The following LMNA variants were observed in gnomAD, a reference collection of about 807,000 sequenced individuals.
LMNA encodes lamin.
Under a neutral mutation model 70.4 loss-of-function variants are expected in LMNA, and 20 were observed. The observed-to-expected ratio is 0.28, with a 90% CI of 0.20 to 0.41. The LOEUF (loss-of-function observed/expected upper bound fraction) is 0.41, where lower values mean the gene tolerates loss of function less well. Among genes scored for constraint, LMNA ranks in the 10% least tolerant of loss-of-function variants. The pLI is 1.00. For missense variants in LMNA, 652 were observed against 917.2 expected, an observed-to-expected ratio of 0.71 and a Z score of 3.73; for synonymous variants, 339 against 372.8, an observed-to-expected ratio of 0.91 and a Z score of 1.04.
At chr1:156,086,876 T>C (rs1485729769) in intron 2 of LMNA, among the ~76,000 whole-genome samples, 4 of 152,160 alleles carry the variant, frequency 2.6e-5, no homozygotes, top group South Asian at 4.1e-4. Flanking sequence ...TGACCTCAGG[T>C]GATCCGCCCC....
In LMNA at chr1:156,114,936, G is replaced by A. The variant is rs1383536412; in HGVS notation, c.18G>A (p.Gln6=). 6.4e-7 allele frequency: 1 copy of A among 1,563,032 alleles called. No homozygotes were observed. The highest frequency in any genetic ancestry group is 8.7e-7 in the Non-Finnish European group (1 of 1,153,746). METPS[Q]RRATRSGAQA... Reference sequence around the variant, plus strand: ...TGCCGGCCATGGAGACCCCGTCCCAGCGGCGCGCCACCCGCAGCGGGGCGC... The same window carrying A: ...TGCCGGCCATGGAGACCCCGTCCCAACGGCGCGCCACCCGCAGCGGGGCGC... The change falls in exon 1 of 12, where the codon CAG becomes CAA. Residue 6 remains glutamine (Q), a synonymous_variant. Transcript: ENST00000368300.
chr1:156,134,869 G>A lies in LMNA; in HGVS notation c.704G>A (p.Arg235His), dbSNP rs759829161. The A allele has an allele frequency of 8.7e-6, 14 of 1,614,114 alleles. No homozygotes were observed. Among genetic ancestry groups the A allele is most frequent in the Non-Finnish European group, 1.2e-5 (14 of 1,180,050 alleles). ...RLVEIDNGKQ[R>H]EFESRLADAL... ...GTGGAGATTGACAATGGGAAGCAGC[G>A]TGAGTTTGAGAGCCGGCTGGCGGAT... Residue 235 changes from arginine (R) to histidine (H), a missense_variant, in exon 4 of 12, where the codon CGT (arginine) becomes CAT (histidine). Transcript: ENST00000368300. The surrounding 1 kb of genome is among the most constrained non-coding windows in gnomAD (Gnocchi z 5.3).
intron 3 of LMNA, chr1:156,091,100 A>G (rs1412662901): frequency 6.6e-6 from 1 of 152,254 alleles, no homozygotes; most frequent in Non-Finnish European, 1.5e-5. Context: ...ACACCCAGGT[A>G]GCTGAGACCT....
intron 3 of LMNA, among the ~76,000 whole-genome samples, chr1:156,092,208 G>A (rs1360531213): frequency 6.6e-6 from 1 of 151,514 alleles, no homozygotes; most frequent in Non-Finnish European, 1.5e-5. Flanking sequence ...GTGAGCCACA[G>A]TGCCCAGCCA....
At position 156,137,149 on chromosome 1, in the gene LMNA, C is replaced by T. The variant is rs762847359; in HGVS notation, c.1525C>T (p.Pro509Ser). 6.2e-6 allele frequency: 10 copies of T among 1,613,134 alleles called. No individual in the cohort carries two copies. In the South Asian group the frequency reaches 8.8e-5, roughly 14 times the overall value. ...AAGAGATHSP[P>S]TDLVWKAQNT... is the part of the protein sequence containing the mutation. Reference sequence around the variant, plus strand: ...AGGAGCTGGGGCCACCCACAGCCCCCCTACCGACCTGGTGTGGAAGGCACA... The same window carrying T: ...AGGAGCTGGGGCCACCCACAGCCCCTCTACCGACCTGGTGTGGAAGGCACA... The change falls in exon 9 of 12, where the codon CCT becomes TCT. Residue 509 changes from proline (P) to serine (S), a missense_variant. Physicochemically the swap from Pro to Ser is moderately conservative, Grantham distance 74. Around this residue, in one of 4 missense-constraint regions of LMNA, gnomAD observed 327 missense variants for 387.6 expected, o/e 0.84. Coordinates refer to ENST00000368300, the MANE Select transcript of LMNA (RefSeq NM_170707.4). The surrounding 1 kb of genome is among the most constrained non-coding windows in gnomAD (Gnocchi z 4.6).
chr1:156,090,813 G>T (rs905704047), intron 3 of LMNA, among the ~76,000 whole-genome samples: 1 of 152,228 alleles, frequency 6.6e-6, no homozygotes, highest in Non-Finnish European at 1.5e-5. Context: ...TGGTTGAGCA[G>T]GTGGCCGGCT....
At position 156,138,061 on chromosome 1, in the gene LMNA, C is replaced by T. The variant is rs1048517943; in HGVS notation, c.1698+318C>T. 6.9e-5 allele frequency: 38 copies of T among 547,560 alleles called. No individual in the cohort carries two copies. In the Middle Eastern group the frequency reaches 1.5e-3, roughly 21 times the overall value. The allele number at this position is 547,560 out of a possible 1,614,324, so 33.9% of individuals were successfully genotyped here. ...GGAGGACAGACGTGGGGCATGCCCG[C>T]CCTGCCTCTCTCCCCCATTCTTGTT... On this transcript the variant is annotated intron_variant, in intron 10 of 11. Transcript: ENST00000368300. This position sits in a 1 kb window ranked among gnomAD's most constrained non-coding sequence, Gnocchi z 5.5.
chr1:156,109,489 A>G (rs1361479507), upstream of LMNA: 1 of 152,398 alleles, frequency 6.6e-6, no homozygotes, highest in East Asian at 1.9e-4. Context: ...AGGTCAGAGC[A>G]CACTCAGCTT....
chr1:156,114,688 C>A, upstream of LMNA: 1 of 552,652 alleles, frequency 1.8e-6, no homozygotes, highest in Non-Finnish European at 3.2e-6. Flanking sequence ...CTATTAGAGC[C>A]TTTGCCCCGG....
intron 1 of LMNA, among the ~76,000 whole-genome samples, chr1:156,124,914 C>G (rs1467626275): frequency 6.6e-6 from 1 of 152,202 alleles, no homozygotes; most frequent in African/African-American, 2.4e-5. Context: ...CTTACTGGGT[C>G]TCTCTGTGTT....
Position 156,136,075 on chromosome 1 carries a change from A to G in LMNA, c.1111A>G (p.Met371Val), listed in dbSNP as rs1270221130. 4 of 1,614,072 alleles carry G rather than the reference A, an allele frequency of 2.5e-6. No homozygotes were observed. Among genetic ancestry groups the G allele is most frequent in the African/African-American group, 1.3e-5 (1 of 75,050 alleles). The change falls in exon 6 of 12, where the codon ATG becomes GTG. Residue 371 changes from methionine (M) to valine (V), a missense_variant. Physicochemically the swap from Met to Val is conservative, Grantham distance 21. This residue lies in a region of LMNA where 33 missense variants were observed against 75.3 expected (regional missense o/e 0.44). Coordinates refer to ENST00000368300, the MANE Select transcript of LMNA (RefSeq NM_170707.4). The surrounding 1 kb of genome is among the most constrained non-coding windows in gnomAD (Gnocchi z 6.1). ...TCTGGACATCAAGCTGGCCCTGGAC[A>G]TGGAGATCCACGCCTACCGCAAGCT... is the stretch of plus-strand genomic sequence containing the variant. ...ELLDIKLALD[M>V]EIHAYRKLLE...
In LMNA at chr1:156,137,373, C is replaced by G; in HGVS notation, c.1608+141C>G. On this transcript the variant is annotated intron_variant, in intron 9 of 11. Transcript: ENST00000368300. This position sits in a 1 kb window ranked among gnomAD's most constrained non-coding sequence, Gnocchi z 4.6. ...TGTTGCAGGCTCCAGACTTCTCCACCCAGTAGGCAAACCAAAAGATGCTTC... is the reference window on the plus strand; with the variant it reads ...TGTTGCAGGCTCCAGACTTCTCCACGCAGTAGGCAAACCAAAAGATGCTTC... The G allele has an allele frequency of 1.8e-6, 2 of 1,142,316 alleles. No individual in the cohort carries two copies. The highest frequency in any genetic ancestry group is 2.7e-5 in the South Asian group (2 of 73,824). The allele number at this position is 1,142,316 out of a possible 1,614,324, so 70.8% of individuals were successfully genotyped here. A position where few individuals can be genotyped will look rare whatever the true frequency, so the allele number is the denominator to read the frequency against.
intron 2 of LMNA, among the ~76,000 whole-genome samples, chr1:156,085,394 T>C (rs12063564): frequency 0.27 from 40,881 of 152,112 alleles, 7,459 homozygotes; most frequent in East Asian, 0.72. Flanking sequence ...TCCTTTTCCC[T>C]GCTTGCCTGA....
intron 1 of LMNA, among the ~76,000 whole-genome samples, chr1:156,120,794 C>A (rs1410768332): frequency 6.6e-6 from 1 of 152,174 alleles, no homozygotes; most frequent in South Asian, 2.1e-4. Context: ...CCAGCCTATA[C>A]CTGGACCCAG....
At chr1:156,107,105 G>A (rs1356346947) in intron 3 of LMNA, among the ~76,000 whole-genome samples, 1 of 152,212 alleles carries the variant, frequency 6.6e-6, no homozygotes, top group Non-Finnish European at 1.5e-5. Flanking sequence ...CTCCTCAGCT[G>A]TAATATGCAG....
At chr1:156,121,567 C>A (rs1334873530) in intron 1 of LMNA, among the ~76,000 whole-genome samples, 1 of 152,040 alleles carries the variant, frequency 6.6e-6, no homozygotes, top group Non-Finnish European at 1.5e-5. Context: ...GTCCACCCCC[C>A]AGTGATTCGG....
chr1:156,127,512 T>TG, intron 1 of LMNA, among the ~76,000 whole-genome samples: 1 of 103,000 alleles, frequency 9.7e-6, no homozygotes, highest in African/African-American at 5.3e-5. Context: ...CCTTACTGTT[T>TG]TTTTTTTTTT....
Position 156,137,124 on chromosome 1 carries a change from A to G in LMNA, c.1500A>G (p.Ala500=), listed in dbSNP as rs2102894981. Residue 500 remains alanine, a synonymous_variant, in exon 9 of 12, where the codon GCA becomes GCG. Coordinates refer to ENST00000368300, the MANE Select transcript of LMNA (RefSeq NM_170707.4). The surrounding 1 kb of genome is among the most constrained non-coding windows in gnomAD (Gnocchi z 4.6). ...TTTCTCCTCTCCAGATCTGGGCTGCAGGAGCTGGGGCCACCCACAGCCCCC... is the reference window on the plus strand; with the variant it reads ...TTTCTCCTCTCCAGATCTGGGCTGCGGGAGCTGGGGCCACCCACAGCCCCC... ...KAGQVVTIWA[A]GAGATHSPPT... The G allele has an allele frequency of 1.2e-6, 2 of 1,613,836 alleles. No homozygotes were observed. Among genetic ancestry groups the G allele is most frequent in the South Asian group, 1.1e-5 (1 of 91,064 alleles).
At chr1:156,123,879 G>A (rs931217291) in intron 1 of LMNA, among the ~76,000 whole-genome samples, 11 of 152,166 alleles carry the variant, frequency 7.2e-5, no homozygotes, top group Non-Finnish European at 1.6e-4. Flanking sequence ...CCCCTGCCAG[G>A]CCCAGCACTT....
Sources: allele counts gnomAD v4.1 joint callset (sites outside exome capture counted in the v4.1 genomes callset), GRCh38; gene constraint gnomAD v4.1.1; regional missense constraint gnomAD v4.1.1; non-coding constraint Gnocchi (gnomAD v3.1); transcripts MANE v1.5; gene names NCBI Gene and HGNC (gene_info 2026-07-23, HGNC 2026-07-21).